Variants in IFT80 observed in about 807,000 individuals in gnomAD.
IFT80 encodes intraflagellar transport protein 80 homolog.
Under a neutral mutation model 107.9 loss-of-function variants are expected in IFT80, and 79 were observed. The ratio of observed to expected loss-of-function variants is 0.73; its 90% CI spans 0.61 to 0.88. The LOEUF (loss-of-function observed/expected upper bound fraction) is 0.88, where lower values mean the gene tolerates loss of function less well. IFT80 is among the 40% of genes least tolerant of loss of function. The pLI, the probability that IFT80 is intolerant of heterozygous loss-of-function variation, is 0.00. For synonymous variants in IFT80, 299 were observed against 300.9 expected (o/e 0.99, Z 0.07); for missense variants, 797 against 914.2 (o/e 0.87, Z 1.65).
At chr3:160,341,224 C>T (rs1303119085) in intron 8 of IFT80, among the ~76,000 whole-genome samples, 1 of 152,030 alleles carries the variant, frequency 6.6e-6, no homozygotes, top group East Asian at 1.9e-4. Context: ...GTTGCCCAGG[C>T]TGGTCTTGAA....
In IFT80 at chr3:160,280,782, T is replaced by C; in HGVS notation, c.1549A>G (p.Thr517Ala). ...TGAAGTCCACAAAGGATATTGCATG[T>C]ATCGTTCCATGCCAAAGTATGCACC... Reference protein sequence around the residue: ...TMVHTLAWNDTCNILCGLQDT... With the variant: ...TMVHTLAWNDACNILCGLQDT... Residue 517 changes from threonine (T) to alanine (A), a missense_variant, in exon 15 of 20, where the codon ACA (threonine) becomes GCA (alanine). Coordinates refer to ENST00000326448, the MANE Select transcript of IFT80 (RefSeq NM_020800.3). The C allele has an allele frequency of 4.3e-6, 7 of 1,613,164 alleles. No individual in the cohort carries two copies. Among genetic ancestry groups the C allele is most frequent in the Non-Finnish European group, 5.9e-6 (7 of 1,179,352 alleles).
At chr3:160,395,960 T>C (rs966320932) in intron 1 of IFT80, among the ~76,000 whole-genome samples, 2 of 152,160 alleles carry the variant, frequency 1.3e-5, no homozygotes, top group Non-Finnish European at 2.9e-5. Context: ...ATATCCTTGG[T>C]CTGGTGCTAG....
At chr3:160,396,578 A>G (rs1034693291) in intron 1 of IFT80, among the ~76,000 whole-genome samples, 6 of 152,146 alleles carry the variant, frequency 3.9e-5, no homozygotes, top group African/African-American at 1.4e-4. Flanking sequence ...TGTGGGGTAT[A>G]ATTTTTTTCT....
At chr3:160,322,018 ATTTATTT>A (rs1718264819) in intron 8 of IFT80, among the ~76,000 whole-genome samples, 1 of 147,144 alleles carries the variant, frequency 6.8e-6, no homozygotes, top group African/African-American at 2.5e-5. Context: ...TTATTTATTT[ATTTATTT>A]ATTTATTTAT....
At chr3:160,339,733 C>G (rs1475824138) in intron 8 of IFT80, among the ~76,000 whole-genome samples, 2 of 152,152 alleles carry the variant, frequency 1.3e-5, no homozygotes, top group Non-Finnish European at 2.9e-5. Flanking sequence ...AAGAAGTTTA[C>G]AGGACACAAA....
At chr3:160,310,461 T>TTTG (rs1460802006) in intron 9 of IFT80, among the ~76,000 whole-genome samples, 1 of 152,200 alleles carries the variant, frequency 6.6e-6, no homozygotes, top group Admixed American at 6.5e-5. Flanking sequence ...TAATTCAGCA[T>TTTG]TTGTTACCAT....
At chr3:160,398,562 A>G (rs1435216957) in intron 1 of IFT80, among the ~76,000 whole-genome samples, 1 of 152,192 alleles carries the variant, frequency 6.6e-6, no homozygotes. Context: ...AACTTCCCAG[A>G]AAAATGCACA....
intron 8 of IFT80, among the ~76,000 whole-genome samples, chr3:160,342,089 A>T (rs765475335): frequency 1.2e-4 from 18 of 152,170 alleles, no homozygotes; most frequent in Non-Finnish European, 2.1e-4. Flanking sequence ...AACAATCAAC[A>T]CACTAATACT....
intron 8 of IFT80, among the ~76,000 whole-genome samples, chr3:160,351,127 A>G (rs1373797469): frequency 2.6e-5 from 4 of 152,084 alleles, no homozygotes; most frequent in Non-Finnish European, 5.9e-5. Context: ...AGACATAACC[A>G]TTGTTAAAAT....
intron 6 of IFT80, among the ~76,000 whole-genome samples, chr3:160,362,930 T>C (rs974473701): frequency 3.9e-5 from 6 of 152,164 alleles, no homozygotes; most frequent in African/African-American, 9.7e-5. Flanking sequence ...GGGCAAAAAC[T>C]GGAAGCATTC....
intron 1 of IFT80, among the ~76,000 whole-genome samples, chr3:160,390,196 T>C (rs937144379): frequency 5.3e-5 from 8 of 151,808 alleles, no homozygotes; most frequent in Non-Finnish European, 1.0e-4. Context: ...GGCGGGCGGA[T>C]CAGCTGAGGT....
intron 8 of IFT80, among the ~76,000 whole-genome samples, chr3:160,353,577 C>A (rs1301259677): frequency 8.5e-5 from 13 of 152,184 alleles, no homozygotes; most frequent in Admixed American, 7.9e-4. Context: ...CAAGAGGTTT[C>A]TTTTGCCTGT....
intron 5 of IFT80, 93 bp from the exon 6 acceptor site, chr3:160,366,245 T>C (rs750724637): frequency 1.1e-6 from 1 of 876,230 alleles, no homozygotes; most frequent in Non-Finnish European, 1.9e-6. Context: ...AAAAAAGCCA[T>C]ATGAGGTGTC....
At chr3:160,369,611 T>C (rs1437896985) in intron 5 of IFT80, among the ~76,000 whole-genome samples, 1 of 151,942 alleles carries the variant, frequency 6.6e-6, no homozygotes. Context: ...ATTTAAAAAA[T>C]TTATATTTCA....
intron 5 of IFT80, among the ~76,000 whole-genome samples, chr3:160,366,555 G>C (rs1347265030): frequency 6.6e-6 from 1 of 151,846 alleles, no homozygotes; most frequent in African/African-American, 2.4e-5. Context: ...TTTATTTATT[G>C]GCAGCAAATG....
intron 6 of IFT80, among the ~76,000 whole-genome samples, chr3:160,364,543 A>T (rs1046284586): frequency 1.3e-5 from 2 of 152,218 alleles, no homozygotes; most frequent in African/African-American, 4.8e-5. Context: ...CTATAAAGAC[A>T]CATGCATACA....
rs527548514 is a variant in IFT80, at chr3:160,341,357, A to C, written c.777+14656T>G. Among the ~76,000 whole-genome samples, 906 of 145,476 alleles carry C rather than the reference A, an allele frequency of 6.2e-3. 3 individuals carry two copies. Among genetic ancestry groups the C allele is most frequent in the Middle Eastern group, 0.014 (4 of 284 alleles). On this transcript the variant is annotated intron_variant, in intron 8 of 19. Transcript: ENST00000326448. ...TTAACAATGATTAAAAAAAAAAAAA[A>C]CCTAAATAATAATTTGACCATGTGA...
intron 16 of IFT80, among the ~76,000 whole-genome samples, chr3:160,278,564 G>A (rs1306692087): frequency 1.3e-5 from 2 of 151,748 alleles, no homozygotes; most frequent in South Asian, 2.1e-4. Context: ...TGCCTATTAC[G>A]CTTTCCACTC....
chr3:160,384,648 T>A lies in IFT80; in HGVS notation c.-46-2A>T, dbSNP rs1489458376. On this transcript the variant is annotated splice_acceptor_variant, in intron 1 of 19. Transcript: ENST00000326448. LOFTEE classifies it low-confidence loss of function (5UTR_SPLICE). ...TAAGATGCCACTTGATTGTATTTAC[T>A]GTAAAAATAAAAGGAGAGAAAATAT... is the stretch of plus-strand genomic sequence containing the variant. The A allele has an allele frequency of 6.3e-7, 1 of 1,584,664 alleles. No homozygotes were observed. The highest frequency in any genetic ancestry group is 8.7e-7 in the Non-Finnish European group (1 of 1,155,534).
Sources: allele counts gnomAD v4.1 joint callset (sites outside exome capture counted in the v4.1 genomes callset), GRCh38; gene constraint gnomAD v4.1.1; transcripts MANE v1.5; gene names NCBI Gene and HGNC (gene_info 2026-07-23, HGNC 2026-07-21).